The following RBFOX3 variants were observed in gnomAD, a reference collection of about 807,000 sequenced individuals.
The protein encoded by RBFOX3 is RNA binding protein fox-1 homolog 3.
RBFOX3 carries 17 observed loss-of-function variants against 48.7 expected under a neutral mutation model. The ratio of observed to expected loss-of-function variants is 0.35; its 90% confidence interval spans 0.24 to 0.52. RBFOX3 has a LOEUF of 0.52. Among genes scored for constraint, RBFOX3 ranks in the 20% least tolerant of loss-of-function variants. The pLI is 0.94. For synonymous variants in RBFOX3, 212 were observed against 209.5 expected (o/e 1.01, Z -0.10); for missense variants, 382 against 497.5 (o/e 0.77, Z 2.21).
rs968031912 is a variant in RBFOX3 at position 79,564,897 on chromosome 17, C to T, written c.-320+45929G>A. ...TTTACTAAAAAATACAAAAATTAGC[C>T]GGGCGTGCTGGCACACGCCTGTAGT... On this transcript the variant is annotated intron_variant, in intron 1 of 14. Transcript: ENST00000693108. Among the ~76,000 whole-genome samples, 562 of 152,022 alleles carry T rather than the reference C, an allele frequency of 3.7e-3. 5 individuals are homozygous for T. Among genetic ancestry groups the T allele is most frequent in the African/African-American group, 0.013 (538 of 41,476 alleles).
rs2057186311 is a variant in RBFOX3 at position 79,362,871 on chromosome 17, C to T, written c.-174-55047G>A. On this transcript the variant is annotated intron_variant, in intron 2 of 14. Coordinates refer to ENST00000693108, the MANE Select transcript of RBFOX3 (RefSeq NM_001350451.2). The surrounding 1 kb of genome is among the most constrained non-coding windows in gnomAD (Gnocchi z 4.2). ...CCCGGCTCTGTGTGCAGACCTCATT[C>T]TCGGACACTTCGAGGCCACACAGGT... Among the ~76,000 whole-genome samples the T allele has an allele frequency of 6.6e-6, 1 of 152,178 alleles. No homozygotes were observed. The highest frequency in any genetic ancestry group is 2.1e-4 in the South Asian group (1 of 4,828).
At chr17:79,101,476 A>G in intron 9 of RBFOX3, 108 bp downstream of exon 9, 1 of 1,000,360 alleles carries the variant, frequency 1.0e-6, no homozygotes, top group Admixed American at 2.0e-5. Flanking sequence ...CTGGGGACGG[A>G]GGCTGCCTAG....
intron 4 of RBFOX3, among the ~76,000 whole-genome samples, chr17:79,169,917 G>C (rs1323030186): frequency 2.6e-5 from 4 of 151,594 alleles, no homozygotes; most frequent in Admixed American, 2.0e-4. Context: ...GAAATGAAGA[G>C]AGGAAAGAAG....
intron 1 of RBFOX3, among the ~76,000 whole-genome samples, chr17:79,558,885 G>C (rs2091976433): frequency 6.6e-6 from 1 of 152,112 alleles, no homozygotes; most frequent in African/African-American, 2.4e-5. Context: ...GCTTGCTAAG[G>C]AGCAGGACCC....
At chr17:79,093,700 C>T (rs766140227) in intron 14 of RBFOX3, among the ~76,000 whole-genome samples, 9 of 152,030 alleles carry the variant, frequency 5.9e-5, no homozygotes, top group African/African-American at 1.2e-4. Flanking sequence ...GTTCACACCC[C>T]GGGGCTGGGG....
chr17:79,309,513 G>T (rs1481575012), intron 2 of RBFOX3, among the ~76,000 whole-genome samples: 1 of 152,158 alleles, frequency 6.6e-6, no homozygotes, highest in African/African-American at 2.4e-5. Flanking sequence ...TCCTCCAGGT[G>T]TTGGGTGACA....
At chr17:79,298,032 A>G (rs1230496478) in intron 3 of RBFOX3, among the ~76,000 whole-genome samples, 1 of 152,214 alleles carries the variant, frequency 6.6e-6, no homozygotes, top group Non-Finnish European at 1.5e-5. Context: ...CATTTGGGTT[A>G]AGTCATTGGA....
chr17:79,483,283 T>C (rs2079028045), intron 1 of RBFOX3, among the ~76,000 whole-genome samples: 1 of 151,806 alleles, frequency 6.6e-6, no homozygotes, highest in Non-Finnish European at 1.5e-5. Context: ...CTCTCGGCAG[T>C]CTGGCTCCCT....
chr17:79,189,111 A>AG (rs1396323993), intron 4 of RBFOX3, among the ~76,000 whole-genome samples: 1 of 152,258 alleles, frequency 6.6e-6, no homozygotes, highest in Admixed American at 6.5e-5. Flanking sequence ...AAGCACACAA[A>AG]GGGGGAGAAT....
At chr17:79,367,469 T>C (rs1269204793) in intron 2 of RBFOX3, among the ~76,000 whole-genome samples, 1 of 151,954 alleles carries the variant, frequency 6.6e-6, no homozygotes, top group East Asian at 1.9e-4. Flanking sequence ...GATTCATGCA[T>C]GTATCACCCA....
intron 2 of RBFOX3, among the ~76,000 whole-genome samples, chr17:79,320,864 T>C (rs1312844646): frequency 2.0e-5 from 3 of 151,992 alleles, no homozygotes; most frequent in Non-Finnish European, 2.9e-5. Context: ...TCTGTCACCA[T>C]CGCTAACAGG....
rs955249106 is a variant in RBFOX3, at chr17:79,584,829, G to A, written c.-320+25997C>T. 1.8e-4 allele frequency among the ~76,000 whole-genome samples: 27 copies of A among 151,804 alleles called. No individual in the cohort carries two copies. In the Middle Eastern group the frequency reaches 0.01, roughly 57 times the overall value. On this transcript the variant is annotated intron_variant, in intron 1 of 14. Coordinates refer to ENST00000693108, the MANE Select transcript of RBFOX3 (RefSeq NM_001350451.2). ...CGCCCAGGCTGGAGTGCAGTGGCAC[G>A]ATCTCAGCTCACTGCAAGCTCCACC...
chr17:79,605,930 G>A (rs1201017315), intron 1 of RBFOX3, among the ~76,000 whole-genome samples: 1 of 152,284 alleles, frequency 6.6e-6, no homozygotes, highest in Admixed American at 6.5e-5. Flanking sequence ...CTTCTAAAAA[G>A]CTTCCCCAAG....
intron 2 of RBFOX3, among the ~76,000 whole-genome samples, chr17:79,468,770 T>G (rs1272614385): frequency 6.7e-6 from 1 of 149,562 alleles, no homozygotes; most frequent in African/African-American, 2.5e-5. Context: ...GATGGATGGA[T>G]AGATAGATAG....
chr17:79,185,523 C>G (rs774728883), intron 4 of RBFOX3, among the ~76,000 whole-genome samples: 1 of 152,090 alleles, frequency 6.6e-6, no homozygotes, highest in Non-Finnish European at 1.5e-5. Context: ...TTGCTTGTTC[C>G]AGAAGCCATC....
At chr17:79,411,389 C>T (rs1296198384) in intron 2 of RBFOX3, among the ~76,000 whole-genome samples, 1 of 152,150 alleles carries the variant, frequency 6.6e-6, no homozygotes, top group African/African-American at 2.4e-5. Flanking sequence ...CAGGTTGTCT[C>T]GGACCCAGGG....
intron 2 of RBFOX3, among the ~76,000 whole-genome samples, chr17:79,420,670 G>A (rs2066177793): frequency 6.6e-6 from 1 of 152,236 alleles, no homozygotes; most frequent in African/African-American, 2.4e-5. Context: ...CCACTGCTCT[G>A]CAGCTGAAGA....
intron 2 of RBFOX3, among the ~76,000 whole-genome samples, chr17:79,352,529 C>T (rs774286701): frequency 6.6e-6 from 1 of 152,198 alleles, no homozygotes; most frequent in African/African-American, 2.4e-5. Flanking sequence ...TGAGGGAATG[C>T]ATGGTCTCCA....
intron 2 of RBFOX3, among the ~76,000 whole-genome samples, chr17:79,449,371 C>T (rs2073017053): frequency 6.6e-6 from 1 of 151,994 alleles, no homozygotes; most frequent in African/African-American, 2.4e-5. Flanking sequence ...TGTCCCCAAA[C>T]TTTCTCCCTT....
Sources: gnomAD v4.1 joint callset for allele counts (sites outside exome capture counted in the v4.1 genomes callset) on GRCh38, gnomAD v4.1.1 for gene constraint, Gnocchi (gnomAD v3.1) non-coding constraint, MANE v1.5 for transcripts, NCBI Gene and HGNC (gene_info 2026-07-23, HGNC 2026-07-21) for gene names.